LDB2: variants seen among roughly 807,000 people sequenced by gnomAD.
LDB2 encodes LIM domain binding 2.
LDB2 carries 12 observed loss-of-function variants against 44.3 expected under a neutral mutation model. That is an observed-to-expected ratio of 0.27 (90% CI 0.17 to 0.44). The LOEUF is 0.44. Ranked by LOEUF, LDB2 falls within the 20% of genes least tolerant of loss-of-function variation. The pLI is 1.00. For synonymous variants in LDB2, 164 were observed against 174.8 expected (o/e 0.94, Z 0.49); for missense variants, 344 against 473.5 (o/e 0.73, Z 2.54).
At chr4:16,640,904 C>A (rs1734943416) in intron 2 of LDB2, among the ~76,000 whole-genome samples, 1 of 152,150 alleles carries the variant, frequency 6.6e-6, no homozygotes, top group African/African-American at 2.4e-5. Context: ...AGTTCAAATT[C>A]AACAATTTCA....
intron 1 of LDB2, among the ~76,000 whole-genome samples, chr4:16,840,179 T>G (rs188303784): frequency 1.3e-5 from 2 of 152,268 alleles, no homozygotes; most frequent in East Asian, 3.9e-4. Context: ...CTATCAACTC[T>G]GATAGATTTA....
chr4:16,644,065 C>T (rs1735958307), intron 2 of LDB2, among the ~76,000 whole-genome samples: 1 of 152,204 alleles, frequency 6.6e-6, no homozygotes, highest in East Asian at 1.9e-4. Flanking sequence ...TATGAACACT[C>T]TCACAGCACA....
At chr4:16,519,933 G>A (rs1024827463) in intron 5 of LDB2, among the ~76,000 whole-genome samples, 11 of 152,014 alleles carry the variant, frequency 7.2e-5, no homozygotes, top group African/African-American at 2.4e-4. Context: ...ATGGGACTGA[G>A]AAGCTTCTTT....
chr4:16,773,398 G>C (rs556083180), intron 1 of LDB2, among the ~76,000 whole-genome samples: 1 of 152,098 alleles, frequency 6.6e-6, no homozygotes, highest in African/African-American at 2.4e-5. Flanking sequence ...ATCAGTGGGA[G>C]CCCTGAGCTT....
chr4:16,620,135 A>ACCATATCTATCTTGATCGCCT (rs1728477267), intron 2 of LDB2, among the ~76,000 whole-genome samples: 3 of 152,128 alleles, frequency 2.0e-5, no homozygotes, highest in Admixed American at 1.3e-4. Context: ...GAAGGAAGAG[A>ACCATATCTATCTTGATCGCCT]CCATATCTAT....
intron 1 of LDB2, among the ~76,000 whole-genome samples, chr4:16,881,234 C>A (rs1720007961): frequency 6.6e-6 from 1 of 152,212 alleles, no homozygotes; most frequent in Non-Finnish European, 1.5e-5. Flanking sequence ...CTTGGGAACA[C>A]CCAGGCTTAA....
intron 5 of LDB2, among the ~76,000 whole-genome samples, chr4:16,529,746 T>C (rs1437578567): frequency 6.6e-6 from 1 of 152,172 alleles, no homozygotes; most frequent in African/African-American, 2.4e-5. Context: ...GATCTGTATA[T>C]GGTGTTTGAA....
intron 2 of LDB2, among the ~76,000 whole-genome samples, chr4:16,692,807 G>A (rs1751123699): frequency 6.6e-6 from 1 of 152,072 alleles, no homozygotes; most frequent in Admixed American, 6.5e-5. Flanking sequence ...TGGCTTATTC[G>A]CTTTTGTGTT....
intron 2 of LDB2, among the ~76,000 whole-genome samples, chr4:16,724,037 T>C (rs1758904367): frequency 6.6e-6 from 1 of 152,152 alleles, no homozygotes; most frequent in South Asian, 2.1e-4. Flanking sequence ...CCTACAGCAG[T>C]GCCTAGTGCA....
intron 1 of LDB2, among the ~76,000 whole-genome samples, chr4:16,820,803 T>A (rs1190593714): frequency 6.6e-6 from 1 of 152,198 alleles, no homozygotes; most frequent in East Asian, 1.9e-4. Context: ...TTCTGCACAG[T>A]ACATACTCAA....
At chr4:16,847,594 C>CGT (rs761983406) in intron 1 of LDB2, among the ~76,000 whole-genome samples, 1 of 117,144 alleles carries the variant, frequency 8.5e-6, no homozygotes, top group Non-Finnish European at 1.8e-5. Flanking sequence ...TTCTTTAACA[C>CGT]ATGTTTGTTT....
At chr4:16,521,330 T>C (rs971550990) in intron 5 of LDB2, among the ~76,000 whole-genome samples, 8 of 152,240 alleles carry the variant, frequency 5.3e-5, no homozygotes, top group African/African-American at 1.9e-4. Context: ...TTGGGGCTCA[T>C]TGGCTTGTAG....
At chr4:16,609,293 TC>T (rs1442271856) in intron 2 of LDB2, among the ~76,000 whole-genome samples, 1 of 145,150 alleles carries the variant, frequency 6.9e-6, no homozygotes, top group Non-Finnish European at 1.5e-5. Flanking sequence ...ACCAGCAGAT[TC>T]TTAACAGCCT....
chr4:16,869,275 C>A (rs752267044), intron 1 of LDB2, among the ~76,000 whole-genome samples: 2 of 147,168 alleles, frequency 1.4e-5, no homozygotes, highest in Non-Finnish European at 3.0e-5. Flanking sequence ...GTTCTAAGGG[C>A]AGAATTCTAG....
chr4:16,813,970 C>A (rs1780411123), intron 1 of LDB2, among the ~76,000 whole-genome samples: 1 of 151,794 alleles, frequency 6.6e-6, no homozygotes, highest in South Asian at 2.1e-4. Context: ...CTCCCAGGTT[C>A]AGGCCATTCT....
At chr4:16,628,710 C>T (rs1017561935) in intron 2 of LDB2, among the ~76,000 whole-genome samples, 1 of 152,072 alleles carries the variant, frequency 6.6e-6, no homozygotes, top group African/African-American at 2.4e-5. Context: ...GTGATTTCTG[C>T]ATTTCCAACT....
intron 5 of LDB2, among the ~76,000 whole-genome samples, chr4:16,555,378 T>G (rs1344457400): frequency 6.6e-6 from 1 of 152,208 alleles, no homozygotes; most frequent in Non-Finnish European, 1.5e-5. Flanking sequence ...TGCGAATGCC[T>G]CAACCTGAAT....
intron 2 of LDB2, among the ~76,000 whole-genome samples, chr4:16,624,381 G>A (rs1474854581): frequency 6.6e-6 from 1 of 151,892 alleles, no homozygotes; most frequent in East Asian, 1.9e-4. Context: ...ACAGGCATGA[G>A]CCACCATGCC....
intron 1 of LDB2, among the ~76,000 whole-genome samples, chr4:16,766,074 T>G (rs190217161): frequency 7.7e-4 from 118 of 152,282 alleles, no homozygotes; most frequent in African/African-American, 2.8e-3. Context: ...ATTGCAATAT[T>G]ATTGCATTTT....
Sources: allele counts gnomAD v4.1 joint callset (sites outside exome capture counted in the v4.1 genomes callset), GRCh38; gene constraint gnomAD v4.1.1; transcripts MANE v1.5; gene names NCBI Gene and HGNC (gene_info 2026-07-23, HGNC 2026-07-21).